DLEC1: variants seen among roughly 807,000 people sequenced by gnomAD.
The protein encoded by DLEC1 is DLEC1 cilia and flagella associated protein.
Under a neutral mutation model 198.1 loss-of-function variants are expected in DLEC1, and 146 were observed. The observed-to-expected ratio is 0.74, with a 90% CI of 0.64 to 0.85. The LOEUF is 0.85. Among genes scored for constraint, DLEC1 ranks in the 40% least tolerant of loss-of-function variants. The pLI is 0.00. For synonymous variants in DLEC1, 897 were observed against 866.8 expected, an observed-to-expected ratio of 1.03 and a Z score of -0.61; for missense variants, 2,233 against 2,220.0, an observed-to-expected ratio of 1.01 and a Z score of -0.12.
intron 26 of DLEC1, 84 bp from the exon 27 acceptor site, chr3:38,114,899 T>G: frequency 3.1e-5 from 38 of 1,235,840 alleles, no homozygotes; most frequent in Non-Finnish European, 4.2e-5. Flanking sequence ...TCCCCCTGCC[T>G]GAGCCCCCAG....
chr3:38,039,567 C>T lies in DLEC1; in HGVS notation c.342C>T (p.Ser114=), dbSNP rs1700555765. The T allele has an allele frequency of 6.2e-7, 1 of 1,613,792 alleles. No individual in the cohort carries two copies. ...YSAEVIGDEV[S]ASLIKARGSE... Reference sequence around the variant, plus strand: ...CCGAGGTCATCGGCGACGAAGTGAGCGCAAGCTTGATCAAGGCCCGCGGCA... The same window carrying T: ...CCGAGGTCATCGGCGACGAAGTGAGTGCAAGCTTGATCAAGGCCCGCGGCA... The change falls in exon 1 of 37, where the codon AGC becomes AGT. Residue 114 remains serine, a synonymous_variant. Coordinates refer to ENST00000308059, the MANE Select transcript of DLEC1 (RefSeq NM_007335.4).
intron 2 of DLEC1, among the ~76,000 whole-genome samples, chr3:38,052,942 G>A (rs913633390): frequency 5.3e-5 from 8 of 152,314 alleles, no homozygotes; most frequent in Non-Finnish European, 7.4e-5. Context: ...GGGGCGCGCC[G>A]CCACGCCTGA....
At chr3:38,121,561 C>T in intron 34 of DLEC1, 67 bp from the exon 35 acceptor site, 1 of 1,556,384 alleles carries the variant, frequency 6.4e-7, no homozygotes, top group Non-Finnish European at 8.7e-7. Context: ...CAGCAGGGTT[C>T]TGTGTGTCCC....
At chr3:38,075,735 G>A (rs139440550) in intron 6 of DLEC1, among the ~76,000 whole-genome samples, 26 of 152,146 alleles carry the variant, frequency 1.7e-4, no homozygotes, top group African/African-American at 4.8e-4. Flanking sequence ...GGGATAAGAG[G>A]TTGGGGCATG....
At position 38,086,504 on chromosome 3, in the gene DLEC1, A is replaced by G. The variant is rs1000425365; in HGVS notation, c.1572+127A>G. On this transcript the variant is annotated intron_variant, in intron 9 of 36. Coordinates refer to ENST00000308059, the MANE Select transcript of DLEC1 (RefSeq NM_007335.4). ...GAACGCAGAGTGTTGTAAACTCTCT[A>G]TGCAACTGCCACAACCCGAATGAGA... 7.2e-5 allele frequency: 92 copies of G among 1,283,176 alleles called. No individual in the cohort carries two copies. The East Asian group carries it at 2.1e-3, about 29-fold the overall frequency. The allele number at this position is 1,283,176 out of a possible 1,614,324, so 79.5% of individuals were successfully genotyped here. A position where few individuals can be genotyped will look rare whatever the true frequency, so the allele number is the denominator to read the frequency against.
intron 18 of DLEC1, among the ~76,000 whole-genome samples, chr3:38,098,638 C>T (rs1168249478): frequency 1.3e-5 from 2 of 152,148 alleles, no homozygotes; most frequent in Non-Finnish European, 2.9e-5. Flanking sequence ...AGGTCCCCAT[C>T]CTGCTTGCCC....
intron 25 of DLEC1, 48 bp from the exon 26 acceptor site, chr3:38,114,294 G>T (rs1700037339): frequency 1.9e-6 from 3 of 1,593,866 alleles, no homozygotes; most frequent in South Asian, 2.2e-5. Context: ...GAGGGGATGT[G>T]GTCGCAACCG....
chr3:38,048,927 T>C (rs1700992305), intron 2 of DLEC1, among the ~76,000 whole-genome samples: 1 of 152,142 alleles, frequency 6.6e-6, no homozygotes, highest in African/African-American at 2.4e-5. Flanking sequence ...GCCCAGATAA[T>C]GTGGATTTTG....
intron 2 of DLEC1, among the ~76,000 whole-genome samples, chr3:38,046,066 CA>C: frequency 6.6e-6 from 1 of 152,132 alleles, no homozygotes; most frequent in Non-Finnish European, 1.5e-5. Flanking sequence ...TGTGCATATT[CA>C]GGGAGGTAAA....
chr3:38,045,749 C>T, intron 2 of DLEC1, 56 bp downstream of exon 2: 2 of 1,539,486 alleles, frequency 1.3e-6, no homozygotes, highest in Non-Finnish European at 1.7e-6. Context: ...TGATATTTCA[C>T]TGTGTTTGCT....
chr3:38,120,044 G>C (rs1419577026), intron 33 of DLEC1, among the ~76,000 whole-genome samples: 2 of 152,144 alleles, frequency 1.3e-5, no homozygotes, highest in Admixed American at 1.3e-4. Context: ...CCCTGGTCTG[G>C]CATCATCACA....
rs1334393963 is a variant in DLEC1, at chr3:38,062,245, G to C, written c.750G>C (p.Lys250Asn). 1 of 1,614,102 alleles carries C rather than the reference G, an allele frequency of 6.2e-7. No individual in the cohort carries two copies. The highest frequency in any genetic ancestry group is 2.2e-5 in the East Asian group (1 of 44,900). The change falls in exon 4 of 37, where the codon AAG becomes AAC. Residue 250 changes from lysine to asparagine, a missense_variant. By Grantham distance (94) the Lys-to-Asn change is moderately conservative. Transcript: ENST00000308059. ...CCGTCCAGAAGAAAGAGCTGAACAA[G>C]AAGCTTGAAGATTCATGCAGGAAGA... ...KRSVQKKELN[K>N]KLEDSCRKKL...
At chr3:38,077,223 G>A (rs984861403) in intron 6 of DLEC1, among the ~76,000 whole-genome samples, 63 of 152,268 alleles carry the variant, frequency 4.1e-4, no homozygotes, top group African/African-American at 1.4e-3. Flanking sequence ...AGTGTAAACC[G>A]GCAGTGTAAA....
intron 31 of DLEC1, 104 bp downstream of exon 31, chr3:38,117,406 G>A (rs1254571561): frequency 6.3e-7 from 1 of 1,596,624 alleles, no homozygotes; most frequent in Non-Finnish European, 8.6e-7. Context: ...GGACGGGCAT[G>A]GGTGGAGAAG....
Position 38,116,674 on chromosome 3 carries a change from G to A in DLEC1, c.4062+16G>A, listed in dbSNP as rs1364545580. 6.2e-7 allele frequency: 1 copy of A among 1,613,306 alleles called. No individual in the cohort carries two copies. The highest frequency in any genetic ancestry group is 2.2e-5 in the East Asian group (1 of 44,858). On this transcript the variant is annotated intron_variant, in intron 28 of 36. Transcript: ENST00000308059. Reference sequence around the variant, plus strand: ...TGACTCATCAGTGAGCAGGGGTGGAGGGGCGGGGCAGGCTGGCCACTGAGG... The same window carrying A: ...TGACTCATCAGTGAGCAGGGGTGGAAGGGCGGGGCAGGCTGGCCACTGAGG...
chr3:38,121,450 G>A (rs1029370460), intron 34 of DLEC1, among the ~76,000 whole-genome samples, 178 bp from the exon 35 acceptor site: 1 of 152,200 alleles, frequency 6.6e-6, no homozygotes. Flanking sequence ...CTTTCCCTGT[G>A]CAGACTCCCA....
chr3:38,123,192 GAAGGACGTCATGGACAAGT>G lies in DLEC1; in HGVS notation c.*782_*800del, dbSNP rs1700577767. The G allele has an allele frequency of 6.8e-7, 1 of 1,469,078 alleles. No individual in the cohort carries two copies. Among genetic ancestry groups the G allele is most frequent in the Non-Finnish European group, 9.5e-7 (1 of 1,049,708 alleles). The allele number at this position is 1,469,078 out of a possible 1,614,324, so 91.0% of individuals were successfully genotyped here. On this transcript the variant is annotated 3_prime_UTR_variant, in exon 37 of 37. Coordinates refer to ENST00000308059, the MANE Select transcript of DLEC1 (RefSeq NM_007335.4). ...ATTACCTCCAGACCAGGCTGACCCA[GAAGGACGTCATGGACAAGT>G]AGGATGCAAAACCATCAGACCAGAT...
intron 6 of DLEC1, among the ~76,000 whole-genome samples, chr3:38,081,923 G>A (rs1250420802): frequency 1.1e-3 from 145 of 135,788 alleles, no homozygotes; most frequent in African/African-American, 1.1e-3. Context: ...CCCGGACGGG[G>A]TGGCTGCCGG....
chr3:38,063,364 G>A (rs371458101), intron 5 of DLEC1, among the ~76,000 whole-genome samples: 3 of 152,276 alleles, frequency 2.0e-5, no homozygotes, highest in South Asian at 2.1e-4. Flanking sequence ...TTGGGAGGCG[G>A]AAGTGGAAGG....
Sources: gnomAD v4.1 joint callset for allele counts (sites outside exome capture counted in the v4.1 genomes callset) on GRCh38, gnomAD v4.1.1 for gene constraint, MANE v1.5 for transcripts, NCBI Gene and HGNC (gene_info 2026-07-23, HGNC 2026-07-21) for gene names.